The following SCN9A variants were observed in gnomAD, a reference collection of about 807,000 sequenced individuals.
The protein encoded by SCN9A is sodium channel protein type 9 subunit alpha.
SCN9A carries 131 observed loss-of-function variants against 187.0 expected under a neutral mutation model. That is an observed-to-expected ratio of 0.70 (90% CI 0.61 to 0.81). The LOEUF (loss-of-function observed/expected upper bound fraction) is 0.81, where lower values mean the gene tolerates loss of function less well. Among genes scored for constraint, SCN9A ranks in the 30% least tolerant of loss-of-function variants. The probability of loss-of-function intolerance (pLI) is 0.00; values close to 1 mark genes in which losing one functional copy is unlikely to be tolerated. For missense variants in SCN9A, 2,252 were observed against 2,396.6 expected (o/e 0.94, Z 1.26); for synonymous variants, 809 against 808.6 (o/e 1.00, Z -0.01).
chr2:166,344,044 A>G (rs959993303), intron 1 of SCN9A, among the ~76,000 whole-genome samples: 7 of 152,180 alleles, frequency 4.6e-5, no homozygotes, highest in Non-Finnish European at 1.0e-4. Flanking sequence ...CTAAAAGTAC[A>G]TATGCCTTTC....
chr2:166,276,401 T>C (rs1006882942), intron 16 of SCN9A: 1 of 152,184 alleles, frequency 6.6e-6, no homozygotes, highest in African/African-American at 2.4e-5. Context: ...TTGAATAAAG[T>C]TTATGAACAC....
At chr2:166,277,423 A>G in intron 15 of SCN9A, 84 bp from the exon 16 acceptor site, 4 of 848,616 alleles carry the variant, frequency 4.7e-6, no homozygotes, top group Admixed American at 2.7e-5. Flanking sequence ...CAAAGGGTAA[A>G]GCAGACTTTA....
chr2:166,293,251 A>C lies in SCN9A; in HGVS notation c.1087T>G (p.Trp363Gly). The C allele has an allele frequency of 6.3e-7, 1 of 1,586,328 alleles. No individual in the cohort carries two copies. Among genetic ancestry groups the C allele is most frequent in the Non-Finnish European group, 8.6e-7 (1 of 1,164,456 alleles). The change falls in exon 9 of 27, where the codon TGG becomes GGG. Residue 363 changes from tryptophan (W) to glycine (G), a missense_variant. By Grantham distance (184) the Trp-to-Gly change is radical. This residue lies in a region of SCN9A where 1,013 missense variants were observed against 997.4 expected (regional missense o/e 1.02). Transcript: ENST00000642356. The stretch of plus-strand genomic sequence containing the variant: ...CTCACCTGTTGGTAAAGGTTTTCCC[A>C]GTAATCTTGGGTCATTAGCCTAAAC... The part of the protein sequence containing the change: ...ALFRLMTQDY[W>G]ENLYQQTLRA...
intron 17 of SCN9A, among the ~76,000 whole-genome samples, chr2:166,258,759 T>G (rs1348814249): frequency 6.6e-6 from 1 of 151,664 alleles, no homozygotes; most frequent in Non-Finnish European, 1.5e-5. Flanking sequence ...CTCTGAGATT[T>G]TATATTTATG....
At chr2:166,319,364 A>G (rs558804203) in intron 1 of SCN9A, among the ~76,000 whole-genome samples, 1 of 149,820 alleles carries the variant, frequency 6.7e-6, no homozygotes, top group African/African-American at 2.4e-5. Context: ...AAAAAAAAGT[A>G]CTTCTAAAAC....
At chr2:166,306,022 A>G (rs1262165796) in intron 4 of SCN9A, 102 bp from the exon 5 acceptor site, 2 of 1,380,270 alleles carry the variant, frequency 1.4e-6, no homozygotes, top group South Asian at 1.3e-5. Flanking sequence ...GAAGACATAT[A>G]TTGGAGGATG....
chr2:166,340,620 C>CCTTCTTTCTTTTT (rs1699762262), intron 1 of SCN9A, among the ~76,000 whole-genome samples: 2 of 44,998 alleles, frequency 4.4e-5, no homozygotes, highest in Non-Finnish European at 7.4e-5. Context: ...TTCTTTCTTT[C>CCTTCTTTCTTTTT]CTTTCTCTTC....
At chr2:166,303,413 T>A in intron 6 of SCN9A, 111 bp from the exon 7 acceptor site, 1 of 824,472 alleles carries the variant, frequency 1.2e-6, no homozygotes, top group Non-Finnish European at 1.9e-6. Flanking sequence ...TGACCTTAAG[T>A]AACCTAATTC....
chr2:166,340,604 T>TTCTTTCTTTCTTTCTTTC (rs1238316249), intron 1 of SCN9A, among the ~76,000 whole-genome samples: 5 of 72,046 alleles, frequency 6.9e-5, no homozygotes, highest in South Asian at 3.8e-4. Flanking sequence ...CTTTCTTTCT[T>TTCTTTCTTTCTTTCTTTC]TTTCTTTCTT....
intron 17 of SCN9A, chr2:166,259,167 C>T (rs1696402071): frequency 6.6e-6 from 1 of 151,592 alleles, no homozygotes; most frequent in East Asian, 1.9e-4. Flanking sequence ...GCATGCAAGA[C>T]ATTGAAAAAA....
At chr2:166,337,881 A>G (rs12622743) in intron 1 of SCN9A, among the ~76,000 whole-genome samples, 24,128 of 152,098 alleles carry the variant, frequency 0.16, 1,953 homozygotes, top group Admixed American at 0.19. Flanking sequence ...ATCATACTTG[A>G]ACCAATAAGA....
intron 24 of SCN9A, among the ~76,000 whole-genome samples, chr2:166,219,848 G>A (rs1279797793): frequency 3.9e-5 from 6 of 152,128 alleles, no homozygotes; most frequent in African/African-American, 1.2e-4. Context: ...GTGAAGTGAT[G>A]GTTATGTTAA....
chr2:166,340,023 G>A (rs1699723812), intron 1 of SCN9A, among the ~76,000 whole-genome samples: 1 of 152,140 alleles, frequency 6.6e-6, no homozygotes, highest in South Asian at 2.1e-4. Flanking sequence ...GTTAGAAAGA[G>A]GGGATGAAGT....
chr2:166,248,592 T>A (rs1321420412), intron 18 of SCN9A, among the ~76,000 whole-genome samples: 2 of 152,136 alleles, frequency 1.3e-5, no homozygotes, highest in Admixed American at 6.6e-5. Flanking sequence ...ATCCTTATAA[T>A]GTTCTTCAAA....
chr2:166,303,471 A>G (rs1278913791), intron 6 of SCN9A, among the ~76,000 whole-genome samples, 169 bp from the exon 7 acceptor site: 1 of 152,164 alleles, frequency 6.6e-6, no homozygotes, highest in African/African-American at 2.4e-5. Flanking sequence ...TTGTTTTTAT[A>G]TATTACAGCA....
chr2:166,355,052 C>T (rs1700120250), intron 1 of SCN9A, among the ~76,000 whole-genome samples: 1 of 151,934 alleles, frequency 6.6e-6, no homozygotes, highest in Non-Finnish European at 1.5e-5. Context: ...TTCTTCCCAC[C>T]TCAGCCTCCC....
At position 166,227,663 on chromosome 2, in the gene SCN9A, T is replaced by C; in HGVS notation, c.4260+7A>G. 6.8e-7 allele frequency: 1 copy of C among 1,480,970 alleles called. No individual in the cohort carries two copies. Among genetic ancestry groups the C allele is most frequent in the Non-Finnish European group, 9.3e-7 (1 of 1,080,568 alleles). The allele number at this position is 1,480,970 out of a possible 1,614,324, so 91.7% of individuals were successfully genotyped here. On this transcript the variant is annotated splice_region_variant and intron_variant, in intron 23 of 26. Coordinates refer to ENST00000642356, the MANE Select transcript of SCN9A (RefSeq NM_001365536.1). ...TAAAGTTTAGTGCTAAGATAATCAA[T>C]ACTTACATTAACAGAATCCACTGCT...
At chr2:166,341,142 A>T (rs940972592) in intron 1 of SCN9A, among the ~76,000 whole-genome samples, 7 of 152,212 alleles carry the variant, frequency 4.6e-5, no homozygotes, top group African/African-American at 1.7e-4. Flanking sequence ...ATGGAAAATA[A>T]GATGCTTTTA....
rs1420551103 is a variant in SCN9A at position 166,284,660 on chromosome 2, A to G, written c.1767T>C (p.Phe589=). The change falls in exon 12 of 27, where the codon TTT becomes TTC. Residue 589 remains phenylalanine, a synonymous_variant. Coordinates refer to ENST00000642356, the MANE Select transcript of SCN9A (RefSeq NM_001365536.1). The part of the protein sequence containing the change: ...GDNESRRGSL[F]VPHRPQERRS... Reference sequence around the variant, plus strand: ...GTCGCTCCTGGGGTCTGTGGGGCACAAACAGTGAGCCCCTTCTGCTCTCAT... The same window carrying G: ...GTCGCTCCTGGGGTCTGTGGGGCACGAACAGTGAGCCCCTTCTGCTCTCAT... The G allele has an allele frequency of 6.2e-7, 1 of 1,613,874 alleles. No individual in the cohort carries two copies. The highest frequency in any genetic ancestry group is 1.3e-5 in the African/African-American group (1 of 74,936).
Sources: gnomAD v4.1 joint callset for allele counts (sites outside exome capture counted in the v4.1 genomes callset) on GRCh38, gnomAD v4.1.1 for gene constraint, gnomAD v4.1.1 regional missense constraint, MANE v1.5 for transcripts, NCBI Gene and HGNC (gene_info 2026-07-23, HGNC 2026-07-21) for gene names.